The following UBE2D2 variants were observed in gnomAD, a reference collection of about 807,000 sequenced individuals.
The protein encoded by UBE2D2 is ubiquitin-conjugating enzyme E2 D2.
In UBE2D2, 2 loss-of-function variants were observed where a neutral mutation model predicts 24.2. The observed-to-expected ratio is 0.08, with a 90% CI of 0.03 to 0.26. The LOEUF is 0.26. Ranked by LOEUF, UBE2D2 falls within the 10% of genes least tolerant of loss-of-function variation. The probability of loss-of-function intolerance (pLI) is 1.00; values close to 1 mark genes in which losing one functional copy is unlikely to be tolerated. For missense variants in UBE2D2, 44 were observed against 177.6 expected, an observed-to-expected ratio of 0.25 and a Z score of 4.28; for synonymous variants, 58 against 56.5, an observed-to-expected ratio of 1.03 and a Z score of -0.12.
At chr5:139,626,407 G>C (rs1754629967) in intron 6 of UBE2D2, among the ~76,000 whole-genome samples, 1 of 152,130 alleles carries the variant, frequency 6.6e-6, no homozygotes, top group African/African-American at 2.4e-5. Flanking sequence ...ATGAGTTCAA[G>C]AACTATGTAA....
intron 1 of UBE2D2, among the ~76,000 whole-genome samples, chr5:139,597,439 G>A (rs1044633989): frequency 6.6e-6 from 1 of 152,148 alleles, no homozygotes; most frequent in Non-Finnish European, 1.5e-5. Context: ...CCTAAGTTTG[G>A]CTTAGGGTTT....
chr5:139,528,946 C>A (rs1334369596), intron 1 of UBE2D2, among the ~76,000 whole-genome samples: 1 of 152,116 alleles, frequency 6.6e-6, no homozygotes, highest in South Asian at 2.1e-4. Flanking sequence ...TCCAGTCACA[C>A]CCGGAAGCTG....
At position 139,621,693 on chromosome 5, in the gene UBE2D2, G is replaced by A. The variant is rs1754516783; in HGVS notation, c.305-1675G>A. Reference sequence around the variant, plus strand: ...ATTGGAGTGCAGTGGTGTGAACACAGCTCAATACAGCCTTAACCTCTTGGG... The same window carrying A: ...ATTGGAGTGCAGTGGTGTGAACACAACTCAATACAGCCTTAACCTCTTGGG... On this transcript the variant is annotated intron_variant, in intron 5 of 6. Coordinates refer to ENST00000398733, the MANE Select transcript of UBE2D2 (RefSeq NM_003339.3). Among the ~76,000 whole-genome samples, 3 of 151,916 alleles carry A rather than the reference G, an allele frequency of 2.0e-5. No individual in the cohort carries two copies. The South Asian group carries it at 6.2e-4, about 32-fold the overall frequency.
At chr5:139,598,003 A>T (rs1454917211) in intron 1 of UBE2D2, among the ~76,000 whole-genome samples, 1 of 151,970 alleles carries the variant, frequency 6.6e-6, no homozygotes, top group Non-Finnish European at 1.5e-5. Context: ...CCGGGTTCAC[A>T]CCATTCTTCT....
rs534605712 is a variant in UBE2D2, at chr5:139,605,314, C to T, written c.88+4879C>T. 7.2e-5 allele frequency among the ~76,000 whole-genome samples: 11 copies of T among 152,056 alleles called. No homozygotes were observed. The East Asian group carries it at 7.7e-4, about 11-fold the overall frequency. ...GTACATCCTGAAAGAAGTAAGCAGC[C>T]GGGCCCGGTGGCTCACGCCTGTAAT... On this transcript the variant is annotated intron_variant, in intron 2 of 6. Coordinates refer to ENST00000398733, the MANE Select transcript of UBE2D2 (RefSeq NM_003339.3).
intron 1 of UBE2D2, among the ~76,000 whole-genome samples, chr5:139,528,850 A>C (rs1329204525): frequency 6.6e-6 from 1 of 152,166 alleles, no homozygotes; most frequent in Non-Finnish European, 1.5e-5. Context: ...CCACGCTTAA[A>C]CATCAGTAGA....
intron 1 of UBE2D2, among the ~76,000 whole-genome samples, chr5:139,594,076 C>T (rs918237863): frequency 2.0e-5 from 3 of 152,188 alleles, no homozygotes; most frequent in Non-Finnish European, 4.4e-5. Flanking sequence ...TCTCAGTTTC[C>T]CATCTTGTTC....
intron 5 of UBE2D2, among the ~76,000 whole-genome samples, chr5:139,621,258 A>G (rs919601259): frequency 6.6e-6 from 1 of 152,184 alleles, no homozygotes; most frequent in African/African-American, 2.4e-5. Context: ...AAATACATAC[A>G]TAAATAAATA....
intron 1 of UBE2D2, among the ~76,000 whole-genome samples, chr5:139,545,987 A>G (rs1752821437): frequency 6.6e-6 from 1 of 151,668 alleles, no homozygotes; most frequent in Non-Finnish European, 1.5e-5. Context: ...TCAGCCTCCC[A>G]AAGTGCTGGG....
intron 1 of UBE2D2, among the ~76,000 whole-genome samples, chr5:139,554,520 G>A (rs1752956746): frequency 6.6e-6 from 1 of 152,192 alleles, no homozygotes; most frequent in African/African-American, 2.4e-5. Context: ...TGTTGTTGGT[G>A]TTGAGCAGTG....
intron 2 of UBE2D2, among the ~76,000 whole-genome samples, chr5:139,614,287 T>C (rs1385707138): frequency 2.0e-5 from 3 of 152,070 alleles, no homozygotes; most frequent in Non-Finnish European, 4.4e-5. Flanking sequence ...CATTGCAGCC[T>C]CCACTTCTCA....
intron 5 of UBE2D2, among the ~76,000 whole-genome samples, chr5:139,618,821 T>C (rs1754463890): frequency 6.6e-6 from 1 of 152,180 alleles, no homozygotes; most frequent in Non-Finnish European, 1.5e-5. Context: ...GATTTAAGGT[T>C]TTAATGAGTC....
intron 2 of UBE2D2, among the ~76,000 whole-genome samples, chr5:139,611,730 A>G (rs1754324580): frequency 6.6e-6 from 1 of 152,220 alleles, no homozygotes; most frequent in Non-Finnish European, 1.5e-5. Context: ...AATTGTTATA[A>G]AGGTGAACTG....
At chr5:139,528,079 C>T (rs1752560799) in intron 1 of UBE2D2, among the ~76,000 whole-genome samples, 1 of 152,262 alleles carries the variant, frequency 6.6e-6, no homozygotes. Flanking sequence ...GGCCATGCAG[C>T]TTCTGTCTCC....
chr5:139,580,914 C>T (rs562515597), intron 1 of UBE2D2, among the ~76,000 whole-genome samples: 1 of 152,194 alleles, frequency 6.6e-6, no homozygotes, highest in South Asian at 2.1e-4. Context: ...GAGACTCTGT[C>T]TCAAATAATA....
intron 1 of UBE2D2, among the ~76,000 whole-genome samples, chr5:139,577,381 A>ACAGGATGC (rs1753496087): frequency 6.6e-6 from 1 of 150,710 alleles, no homozygotes; most frequent in Non-Finnish European, 1.5e-5. Context: ...ATAGTAGAAA[A>ACAGGATGC]CAGGATGCCA....
intron 1 of UBE2D2, among the ~76,000 whole-genome samples, chr5:139,550,004 A>G (rs1490646088): frequency 7.9e-5 from 12 of 152,222 alleles, no homozygotes. Context: ...TGTCTAGCTC[A>G]AGGTTTGTAA....
intron 1 of UBE2D2, among the ~76,000 whole-genome samples, chr5:139,565,460 T>C (rs1048319487): frequency 6.6e-6 from 1 of 152,192 alleles, no homozygotes; most frequent in Non-Finnish European, 1.5e-5. Context: ...CTGCTATGTT[T>C]TAAGGTTTTC....
chr5:139,571,879 T>C (rs1448144665), intron 1 of UBE2D2, among the ~76,000 whole-genome samples: 2 of 151,618 alleles, frequency 1.3e-5, no homozygotes, highest in African/African-American at 4.8e-5. Context: ...TTCCAATCTC[T>C]TCTCCACTAA....
Sources: allele counts gnomAD v4.1 joint callset (sites outside exome capture counted in the v4.1 genomes callset), GRCh38; gene constraint gnomAD v4.1.1; transcripts MANE v1.5; gene names NCBI Gene and HGNC (gene_info 2026-07-23, HGNC 2026-07-21).